Variants in TANGO6 observed in about 807,000 individuals in gnomAD.
TANGO6 encodes the protein transport and Golgi organization protein 6 homolog.
A neutral mutation model predicts 114.2 loss-of-function variants in TANGO6; 90 were observed. The observed-to-expected ratio is 0.79, with a 90% CI of 0.66 to 0.94. TANGO6 has a LOEUF of 0.94. Among genes scored for constraint, TANGO6 ranks in the 40% least tolerant of loss-of-function variants. TANGO6 has a pLI of 0.00. For missense variants in TANGO6, 1,274 were observed against 1,315.3 expected (o/e 0.97, Z 0.49); for synonymous variants, 477 against 509.8 (o/e 0.94, Z 0.87).
chr16:69,036,229 T>C (rs1157782148), intron 16 of TANGO6, among the ~76,000 whole-genome samples: 1 of 152,070 alleles, frequency 6.6e-6, no homozygotes, highest in Non-Finnish European at 1.5e-5. Flanking sequence ...CCTGGATACA[T>C]AGAAGAGAGT....
chr16:68,853,883 A>G (rs1182132993), intron 1 of TANGO6, among the ~76,000 whole-genome samples: 1 of 152,132 alleles, frequency 6.6e-6, no homozygotes, highest in Non-Finnish European at 1.5e-5. Flanking sequence ...ATAATTAATG[A>G]TATTGAGCAT....
At chr16:68,886,499 T>A (rs976858228) in intron 7 of TANGO6, among the ~76,000 whole-genome samples, 2 of 151,874 alleles carry the variant, frequency 1.3e-5, no homozygotes, top group African/African-American at 4.8e-5. Context: ...ACCGATCTCA[T>A]CTCAGTCTCT....
intron 14 of TANGO6, among the ~76,000 whole-genome samples, chr16:68,935,752 C>A (rs749543838): frequency 2.6e-5 from 4 of 152,194 alleles, no homozygotes; most frequent in African/African-American, 4.8e-5. Context: ...CTTGTATATT[C>A]TTTCTTCACT....
At chr16:68,903,635 A>AAAT (rs1962813029) in intron 9 of TANGO6, among the ~76,000 whole-genome samples, 1 of 140,624 alleles carries the variant, frequency 7.1e-6, no homozygotes, top group Non-Finnish European at 1.5e-5. Flanking sequence ...AAAAAAAAAA[A>AAAT]GAAGGACCAG....
At chr16:68,998,276 C>G (rs1953044966) in intron 15 of TANGO6, among the ~76,000 whole-genome samples, 1 of 152,174 alleles carries the variant, frequency 6.6e-6, no homozygotes, top group South Asian at 2.1e-4. Context: ...CCAGAGATCA[C>G]TGGTTGGTTC....
At chr16:69,069,006 C>T (rs890078970) in intron 17 of TANGO6, among the ~76,000 whole-genome samples, 6 of 152,192 alleles carry the variant, frequency 3.9e-5, no homozygotes, top group African/African-American at 1.2e-4. Flanking sequence ...CATGAGCCAC[C>T]GTACCCAGCC....
chr16:68,984,187 G>T (rs999853223), intron 15 of TANGO6, among the ~76,000 whole-genome samples: 1 of 152,090 alleles, frequency 6.6e-6, no homozygotes, highest in African/African-American at 2.4e-5. Context: ...ATGGATTTTG[G>T]CAGCAATAAA....
At chr16:68,857,721 A>G (rs1417066424) in intron 1 of TANGO6, among the ~76,000 whole-genome samples, 1 of 152,216 alleles carries the variant, frequency 6.6e-6, no homozygotes, top group Non-Finnish European at 1.5e-5. Flanking sequence ...TCTAATAGGT[A>G]TATAATGGTA....
At chr16:69,082,400 G>A (rs1237290402) in intron 17 of TANGO6, among the ~76,000 whole-genome samples, 2 of 152,072 alleles carry the variant, frequency 1.3e-5, no homozygotes, top group African/African-American at 2.4e-5. Flanking sequence ...CACCGCACCG[G>A]CCTGGTGACA....
At chr16:69,046,604 G>GCCA (rs1344896267) in intron 17 of TANGO6, among the ~76,000 whole-genome samples, 2 of 152,058 alleles carry the variant, frequency 1.3e-5, no homozygotes, top group Non-Finnish European at 2.9e-5. Context: ...ACAGGCATGA[G>GCCA]CCACCGCACC....
intron 5 of TANGO6, among the ~76,000 whole-genome samples, chr16:68,875,682 C>T (rs772024141): frequency 5.9e-5 from 9 of 151,446 alleles, no homozygotes; most frequent in Non-Finnish European, 1.2e-4. Flanking sequence ...GGCAGGAGAA[C>T]GGATTGAACC....
intron 17 of TANGO6, among the ~76,000 whole-genome samples, chr16:69,081,296 C>G (rs1326350038): frequency 2.2e-4 from 33 of 151,776 alleles, no homozygotes; most frequent in Admixed American, 2.2e-3. Context: ...TAGCTGCAGA[C>G]AAGTCACATG....
At chr16:68,881,954 C>T (rs985069317) in intron 7 of TANGO6, among the ~76,000 whole-genome samples, 2 of 151,824 alleles carry the variant, frequency 1.3e-5, no homozygotes, top group Non-Finnish European at 2.9e-5. Context: ...CAAGACCAAC[C>T]TGGTGAATAT....
intron 14 of TANGO6, among the ~76,000 whole-genome samples, chr16:68,932,366 T>C (rs1425811631): frequency 6.6e-6 from 1 of 152,230 alleles, no homozygotes; most frequent in Middle Eastern, 3.4e-3. Context: ...CCTAAGATGA[T>C]AGGCGTGAGC....
At chr16:69,017,657 C>G (rs892031559) in intron 15 of TANGO6, among the ~76,000 whole-genome samples, 1 of 152,132 alleles carries the variant, frequency 6.6e-6, no homozygotes. Context: ...AACTCACACA[C>G]TTAGAAGTGG....
intron 6 of TANGO6, among the ~76,000 whole-genome samples, chr16:68,878,725 C>G (rs1038173831): frequency 1.3e-5 from 2 of 152,094 alleles, no homozygotes; most frequent in Admixed American, 6.6e-5. Context: ...TCAAACTTCT[C>G]TAATTGTTTC....
chr16:69,045,997 G>C (rs548009870), intron 17 of TANGO6, among the ~76,000 whole-genome samples: 14 of 148,686 alleles, frequency 9.4e-5, no homozygotes, highest in Non-Finnish European at 1.5e-4. Flanking sequence ...CTAAGAGGCA[G>C]AGGTTACAGT....
intron 16 of TANGO6, among the ~76,000 whole-genome samples, chr16:69,033,132 G>A (rs1359334033): frequency 6.6e-6 from 1 of 152,026 alleles, no homozygotes; most frequent in African/African-American, 2.4e-5. Context: ...GTTGCAGTGA[G>A]CTGAGATCAC....
chr16:69,058,715 G>C (rs1242573796), intron 17 of TANGO6, among the ~76,000 whole-genome samples: 1 of 152,134 alleles, frequency 6.6e-6, no homozygotes, highest in African/African-American at 2.4e-5. Flanking sequence ...ACCCAGGCTG[G>C]AGTGCAGTGG....
Sources: allele counts gnomAD v4.1 joint callset (sites outside exome capture counted in the v4.1 genomes callset), GRCh38; gene constraint gnomAD v4.1.1; transcripts MANE v1.5; gene names NCBI Gene and HGNC (gene_info 2026-07-23, HGNC 2026-07-21).